Variants in CHD6 observed in about 807,000 individuals in gnomAD.
The protein encoded by CHD6 is chromodomain helicase DNA binding protein 6.
Under a neutral mutation model 276.9 loss-of-function variants are expected in CHD6, and 50 were observed. The ratio of observed to expected loss-of-function variants is 0.18; its 90% CI spans 0.14 to 0.23. The LOEUF is 0.23. CHD6 is among the 10% of genes least tolerant of loss of function. The pLI is 1.00. For missense variants in CHD6, 2,564 were observed against 3,365.8 expected (o/e 0.76, Z 5.89); for synonymous variants, 1,173 against 1,229.3 (o/e 0.95, Z 0.96).
intron 11 of CHD6, among the ~76,000 whole-genome samples, chr20:41,491,008 G>A (rs1600995412): frequency 6.6e-6 from 1 of 152,066 alleles, no homozygotes. Flanking sequence ...CATGAATGGA[G>A]CTTATAGGAC....
In CHD6 at chr20:41,420,903, T is replaced by G. The variant is rs1323710914; in HGVS notation, c.5732A>C (p.Glu1911Ala). The change falls in exon 31 of 37, where the codon GAA becomes GCA. Residue 1911 changes from glutamate to alanine, a missense_variant. By Grantham distance (107) the Glu-to-Ala change is moderately radical. Transcript: ENST00000373233. ...SREKNQGFQD[E>A]TKKGSLEVAN... ...CACCTCTAAGCTTCCTTTCTTGGTT[T>G]CATCTTGGAAGCCTTGGTTCTTTTC... 2.5e-6 allele frequency: 4 copies of G among 1,614,102 alleles called. No homozygotes were observed. The highest frequency in any genetic ancestry group is 3.4e-6 in the Non-Finnish European group (4 of 1,180,050).
At chr20:41,578,174 T>C (rs1024298432) in intron 1 of CHD6, among the ~76,000 whole-genome samples, 1 of 151,986 alleles carries the variant, frequency 6.6e-6, no homozygotes, top group Admixed American at 6.6e-5. Flanking sequence ...ACGCCCCCAA[T>C]GTAGCCAGAA....
intron 16 of CHD6, among the ~76,000 whole-genome samples, chr20:41,481,123 AT>A (rs1378750763): frequency 6.2e-5 from 9 of 144,486 alleles, no homozygotes; most frequent in African/African-American, 2.0e-4. Context: ...AAAAAAAAAT[AT>A]ATATATATAT....
intron 14 of CHD6, chr20:41,485,920 G>A (rs190065474): frequency 1.3e-4 from 19 of 151,822 alleles, no homozygotes; most frequent in Non-Finnish European, 2.2e-4. Context: ...CATATTGTAC[G>A]TGATAAATAC....
intron 15 of CHD6, 67 bp downstream of exon 15, chr20:41,484,285 T>C: frequency 1.3e-6 from 2 of 1,555,342 alleles, no homozygotes; most frequent in South Asian, 1.1e-5. Context: ...ATGAGTTATT[T>C]GATTATCATT....
At chr20:41,478,223 C>T (rs942389371) in intron 16 of CHD6, among the ~76,000 whole-genome samples, 2 of 151,976 alleles carry the variant, frequency 1.3e-5, no homozygotes, top group African/African-American at 4.8e-5. Context: ...CTCCACAGTG[C>T]CCCCCCATCT....
At chr20:41,499,194 C>A in intron 6 of CHD6, 101 bp downstream of exon 6, 1 of 847,050 alleles carries the variant, frequency 1.2e-6, no homozygotes, top group Non-Finnish European at 1.8e-6. Flanking sequence ...AGCTCTCACT[C>A]CAGCCAATAA....
intron 17 of CHD6, among the ~76,000 whole-genome samples, chr20:41,466,091 A>G (rs1394858731): frequency 1.3e-5 from 2 of 152,160 alleles, no homozygotes; most frequent in Non-Finnish European, 2.9e-5. Flanking sequence ...AATTCCAACT[A>G]CTTCGGAGGC....
chr20:41,465,156 T>G (rs1341377466), intron 17 of CHD6, among the ~76,000 whole-genome samples: 1 of 152,192 alleles, frequency 6.6e-6, no homozygotes, highest in African/African-American at 2.4e-5. Flanking sequence ...CTAAAATTAA[T>G]GGACAGAAGT....
intron 25 of CHD6, among the ~76,000 whole-genome samples, chr20:41,443,725 T>C (rs963073250): frequency 6.6e-6 from 1 of 152,222 alleles, no homozygotes; most frequent in Middle Eastern, 3.2e-3. Flanking sequence ...ACAGAGCTTT[T>C]TCTTGCTTCC....
Position 41,454,724 on chromosome 20 carries a change from C to T in CHD6, c.3022G>A (p.Ala1008Thr), listed in dbSNP as rs1031333577. ...GSTFAKASFV[A>T]SGNRTDISLD... ...GAAATATCTGTTCTGTTTCCTGAAG[C>T]CACAAAGCTAGCCTGTGAAGAAGAC... The change falls in exon 20 of 37, where the codon GCT becomes ACT. Residue 1008 changes from alanine to threonine, a missense_variant. Coordinates refer to ENST00000373233, the MANE Select transcript of CHD6 (RefSeq NM_032221.5). The T allele has an allele frequency of 4.3e-6, 7 of 1,613,174 alleles. No homozygotes were observed. Among genetic ancestry groups the T allele is most frequent in the Admixed American group, 3.3e-5 (2 of 59,872 alleles).
intron 8 of CHD6, among the ~76,000 whole-genome samples, chr20:41,496,172 T>C (rs2043680905): frequency 6.6e-6 from 1 of 152,282 alleles, no homozygotes; most frequent in Non-Finnish European, 1.5e-5. Context: ...AGCCATGTCC[T>C]ACTCTTGACA....
At chr20:41,475,640 A>T (rs1477107988) in intron 16 of CHD6, among the ~76,000 whole-genome samples, 2 of 152,214 alleles carry the variant, frequency 1.3e-5, no homozygotes, top group Non-Finnish European at 2.9e-5. Context: ...CAGGGTTGAG[A>T]TTCAATTAAA....
At chr20:41,513,148 G>A (rs1471737869) in intron 4 of CHD6, among the ~76,000 whole-genome samples, 153 bp from the exon 5 acceptor site, 2 of 152,106 alleles carry the variant, frequency 1.3e-5, no homozygotes, top group Non-Finnish European at 2.9e-5. Context: ...TTAATAAAAG[G>A]ACTAAATTCA....
At chr20:41,565,648 C>T (rs1024216082) in intron 1 of CHD6, among the ~76,000 whole-genome samples, 5 of 95,098 alleles carry the variant, frequency 5.3e-5, no homozygotes, top group South Asian at 3.2e-4. Flanking sequence ...ACATTGACTC[C>T]GAAGTACAAT....
intron 2 of CHD6, among the ~76,000 whole-genome samples, chr20:41,539,093 T>C (rs1353363703): frequency 1.3e-5 from 2 of 152,146 alleles, no homozygotes; most frequent in African/African-American, 2.4e-5. Flanking sequence ...GGAAACCTGC[T>C]TGGGTAATGG....
At chr20:41,417,475 T>C in intron 31 of CHD6, 126 bp from the exon 32 acceptor site, 1 of 775,066 alleles carries the variant, frequency 1.3e-6, no homozygotes, top group South Asian at 2.4e-5. Context: ...CTATTTTAAA[T>C]GGAATATTAA....
chr20:41,511,057 A>G (rs2044105558), intron 5 of CHD6, among the ~76,000 whole-genome samples: 2 of 152,216 alleles, frequency 1.3e-5, no homozygotes, highest in South Asian at 4.1e-4. Flanking sequence ...TCTGGGCTTC[A>G]GTTTCTTCAT....
At position 41,405,323 on chromosome 20, in the gene CHD6, A is replaced by G. The variant is rs766135705; in HGVS notation, c.7418T>C (p.Ile2473Thr). The change falls in exon 37 of 37, where the codon ATT becomes ACT. Residue 2473 changes from isoleucine to threonine, a missense_variant. Transcript: ENST00000373233. ...GMGPLFMNGL[I>T]AGMDLVGLQN... ...AAGTCCTACCAGGTCCATCCCAGCA[A>G]TCAGTCCATTCATGAACAGTGGCCC... 1 of 1,614,082 alleles carries G rather than the reference A, an allele frequency of 6.2e-7. No homozygotes were observed. The highest frequency in any genetic ancestry group is 1.3e-5 in the African/African-American group (1 of 74,940).
Sources: gnomAD v4.1 joint callset for allele counts (sites outside exome capture counted in the v4.1 genomes callset) on GRCh38, gnomAD v4.1.1 for gene constraint, MANE v1.5 for transcripts, NCBI Gene and HGNC (gene_info 2026-07-23, HGNC 2026-07-21) for gene names.